The following MTMR3 variants were observed in gnomAD, a reference collection of about 807,000 sequenced individuals.
The protein encoded by MTMR3 is phosphatidylinositol-3,5-bisphosphate 3-phosphatase MTMR3.
In MTMR3, 32 loss-of-function variants were observed where a neutral mutation model predicts 132.4. The observed-to-expected ratio is 0.24, with a 90% CI of 0.18 to 0.32. MTMR3 has a LOEUF of 0.32. Among genes scored for constraint, MTMR3 ranks in the 10% least tolerant of loss-of-function variants. MTMR3 has a pLI of 1.00. For synonymous variants in MTMR3, 556 were observed against 550.3 expected (o/e 1.01, Z -0.14); for missense variants, 1,216 against 1,489.6 (o/e 0.82, Z 3.02).
intron 1 of MTMR3, among the ~76,000 whole-genome samples, chr22:29,884,010 G>GT (rs1370627925): frequency 6.6e-6 from 1 of 152,196 alleles, no homozygotes; most frequent in Non-Finnish European, 1.5e-5. Context: ...TTTGCTTGAT[G>GT]TATGGCATTT....
intron 1 of MTMR3, among the ~76,000 whole-genome samples, chr22:29,894,502 CCGTGTG>C (rs1224932538): frequency 2.1e-5 from 2 of 95,096 alleles, no homozygotes; most frequent in East Asian, 3.6e-4. Context: ...AGTTCTGTAT[CCGTGTG>C]TGTGTGTGTG....
At position 29,991,683 on chromosome 22, in the gene MTMR3, G is replaced by T; in HGVS notation, c.460+13G>T. On this transcript the variant is annotated intron_variant, in intron 7 of 19. Transcript: ENST00000401950. Reference sequence around the variant, plus strand: ...CTGTGCAGACCAGGTACGCCTTTCTGAAATGTGCAAATGGCCAGGGGCTTT... The same window carrying T: ...CTGTGCAGACCAGGTACGCCTTTCTTAAATGTGCAAATGGCCAGGGGCTTT... 1 of 1,574,250 alleles carries T rather than the reference G, an allele frequency of 6.4e-7. No individual in the cohort carries two copies. The highest frequency in any genetic ancestry group is 1.2e-5 in the South Asian group (1 of 85,452).
At chr22:29,966,463 A>C (rs977160173) in intron 2 of MTMR3, among the ~76,000 whole-genome samples, 5 of 152,134 alleles carry the variant, frequency 3.3e-5, no homozygotes, top group Non-Finnish European at 5.9e-5. Context: ...TTTAAAGAAT[A>C]GGGGTTATTT....
At chr22:30,017,887 A>G in intron 15 of MTMR3, 40 bp from the exon 16 acceptor site, 1 of 1,610,094 alleles carries the variant, frequency 6.2e-7, no homozygotes. Flanking sequence ...TAGAAGACTT[A>G]TTGGGGCATA....
In MTMR3 at chr22:30,030,177, G is replaced by A. The variant is rs1033733304; in HGVS notation, c.*4376G>A. The A allele has an allele frequency of 6.6e-6, 1 of 152,254 alleles. No homozygotes were observed. The highest frequency in any genetic ancestry group is 2.4e-5 in the African/African-American group (1 of 41,414). The allele number at this position is 152,254 out of a possible 1,614,324, so 9.4% of individuals were successfully genotyped here. A position where few individuals can be genotyped will look rare whatever the true frequency, so the allele number is the denominator to read the frequency against. ...GGGAGTTACCAGGTTTTTAAATGCT[G>A]CTATTGTTTTATTTACCATTTAAGG... On this transcript the variant is annotated 3_prime_UTR_variant, in exon 20 of 20. Coordinates refer to ENST00000401950, the MANE Select transcript of MTMR3 (RefSeq NM_021090.4).
At chr22:30,008,920 T>C in intron 11 of MTMR3, 98 bp from the exon 12 acceptor site, 1 of 757,954 alleles carries the variant, frequency 1.3e-6, no homozygotes. Context: ...AATCAGAAGC[T>C]GCAGTGGGTT....
intron 3 of MTMR3, among the ~76,000 whole-genome samples, chr22:29,971,394 A>C (rs1395443373): frequency 6.6e-6 from 1 of 152,174 alleles, no homozygotes; most frequent in Non-Finnish European, 1.5e-5. Flanking sequence ...AGTAGCGTGT[A>C]GTGAAAACTG....
chr22:29,961,095 C>G (rs1354201235), intron 2 of MTMR3, among the ~76,000 whole-genome samples: 1 of 151,998 alleles, frequency 6.6e-6, no homozygotes, highest in Admixed American at 6.6e-5. Context: ...ACATTGAAAA[C>G]TTATGGCAAG....
At chr22:29,914,768 A>G (rs1335852839) in intron 1 of MTMR3, among the ~76,000 whole-genome samples, 1 of 152,186 alleles carries the variant, frequency 6.6e-6, no homozygotes, top group Non-Finnish European at 1.5e-5. Context: ...TACTGAGAGA[A>G]GTAAGTGTAG....
At chr22:29,931,696 A>ATG (rs2065647743) in intron 1 of MTMR3, among the ~76,000 whole-genome samples, 1 of 152,010 alleles carries the variant, frequency 6.6e-6, no homozygotes, top group African/African-American at 2.4e-5. Flanking sequence ...TACAGGCATG[A>ATG]GCCACCACAC....
At chr22:29,940,980 A>G (rs1180269035) in intron 1 of MTMR3, among the ~76,000 whole-genome samples, 1 of 150,036 alleles carries the variant, frequency 6.7e-6, no homozygotes, top group East Asian at 1.9e-4. Context: ...GATCTTTTCT[A>G]GAGACACTGC....
At chr22:30,002,417 G>A (rs1489549185) in intron 8 of MTMR3, 1 of 152,780 alleles carries the variant, frequency 6.5e-6, no homozygotes, top group Non-Finnish European at 1.5e-5. Flanking sequence ...GCAATTGTGG[G>A]CTTTTTTCCT....
chr22:29,960,502 T>A (rs140940560), intron 2 of MTMR3, among the ~76,000 whole-genome samples: 1 of 152,236 alleles, frequency 6.6e-6, no homozygotes, highest in Non-Finnish European at 1.5e-5. Context: ...TTGGAAACTG[T>A]CCTATCCAAA....
chr22:29,934,641 A>C (rs946890406), intron 1 of MTMR3, among the ~76,000 whole-genome samples: 2 of 152,194 alleles, frequency 1.3e-5, no homozygotes, highest in Non-Finnish European at 2.9e-5. Flanking sequence ...TTAGGGGAAA[A>C]CTAGGGCATG....
Position 29,972,759 on chromosome 22 carries a change from C to T in MTMR3, c.3+1697C>T, listed in dbSNP as rs534329934. Among the ~76,000 whole-genome samples the T allele has an allele frequency of 1.1e-4, 16 of 152,196 alleles. 1 individual carries two copies. Among genetic ancestry groups the T allele is most frequent in the African/African-American group, 3.1e-4 (13 of 41,526 alleles). On this transcript the variant is annotated intron_variant, in intron 3 of 19. Transcript: ENST00000401950. ...CTAATTTTTGTATTTTCAGTAGAGA[C>T]GGGGTTTCGCCATGTTGGCCAGGCT... is the stretch of plus-strand genomic sequence containing the variant.
chr22:29,987,915 A>G (rs1195529660), intron 5 of MTMR3: 2 of 152,312 alleles, frequency 1.3e-5, no homozygotes, highest in Admixed American at 6.5e-5. Context: ...TACTTAGTAG[A>G]GAGCCTGGCC....
At chr22:29,936,419 T>C (rs1271443009) in intron 1 of MTMR3, among the ~76,000 whole-genome samples, 1 of 152,134 alleles carries the variant, frequency 6.6e-6, no homozygotes, top group Non-Finnish European at 1.5e-5. Flanking sequence ...AACTTACAGC[T>C]CAGTAATGCA....
At position 30,019,807 on chromosome 22, in the gene MTMR3, G is replaced by C; in HGVS notation, c.2148G>C (p.Glu716Asp). Residue 716 changes from glutamate (E) to aspartate (D), a missense_variant, in exon 17 of 20, where the codon GAG becomes GAC. Around this residue, in one of 7 missense-constraint regions of MTMR3, gnomAD observed 852 missense variants for 852.0 expected, o/e 1.00. Transcript: ENST00000401950. ...PAHRAGIEIQEGKEDPLLEKE... is the reference protein window; with the variant it reads ...PAHRAGIEIQDGKEDPLLEKE... ...ACAGGGCAGGCATTGAGATACAGGA[G>C]GGTAAAGAGGACCCTCTCTTAGAAA... 1.9e-6 allele frequency: 3 copies of C among 1,614,226 alleles called. No homozygotes were observed. Among genetic ancestry groups the C allele is most frequent in the Non-Finnish European group, 2.5e-6 (3 of 1,180,042 alleles).
At chr22:29,975,852 C>A (rs891817575) in intron 3 of MTMR3, among the ~76,000 whole-genome samples, 1 of 152,216 alleles carries the variant, frequency 6.6e-6, no homozygotes, top group Admixed American at 6.5e-5. Flanking sequence ...GCGATCTGCC[C>A]ACTGTAGCCC....
Sources: gnomAD v4.1 joint callset for allele counts (sites outside exome capture counted in the v4.1 genomes callset) on GRCh38, gnomAD v4.1.1 for gene constraint, gnomAD v4.1.1 regional missense constraint, MANE v1.5 for transcripts, NCBI Gene and HGNC (gene_info 2026-07-23, HGNC 2026-07-21) for gene names.